ISM1: variants seen among roughly 807,000 people sequenced by gnomAD.
ISM1 encodes isthmin-1.
ISM1 carries 25 observed loss-of-function variants against 46.3 expected under a neutral mutation model. That is an observed-to-expected ratio of 0.54 (90% CI 0.39 to 0.75). The LOEUF (loss-of-function observed/expected upper bound fraction) is 0.75, where lower values mean the gene tolerates loss of function less well. ISM1 is among the 30% of genes least tolerant of loss of function. The pLI is 0.00. For synonymous variants in ISM1, 255 were observed against 256.7 expected, an observed-to-expected ratio of 0.99 and a Z score of 0.06; for missense variants, 536 against 625.4, an observed-to-expected ratio of 0.86 and a Z score of 1.52.
intron 3 of ISM1, among the ~76,000 whole-genome samples, chr20:13,281,047 A>G (rs1432962332): frequency 6.6e-6 from 1 of 152,252 alleles, no homozygotes; most frequent in African/African-American, 2.4e-5. Context: ...TTAGACAGTC[A>G]TTTCTTCTCA....
At chr20:13,234,175 G>A (rs1380177797) in intron 1 of ISM1, among the ~76,000 whole-genome samples, 2 of 152,088 alleles carry the variant, frequency 1.3e-5, no homozygotes, top group African/African-American at 2.4e-5. Context: ...GTCCGTGTAT[G>A]CCCATTGTTT....
chr20:13,312,982 G>T, the ISM1 span, among the ~76,000 whole-genome samples: 1 of 152,142 alleles, frequency 6.6e-6, no homozygotes, highest in Admixed American at 6.5e-5. Context: ...GGGGTGTGGA[G>T]GAAGTAAAAT....
chr20:13,252,638 C>G (rs1428153025), intron 1 of ISM1, among the ~76,000 whole-genome samples: 1 of 152,028 alleles, frequency 6.6e-6, no homozygotes, highest in East Asian at 1.9e-4. Context: ...ACCTGTAGTC[C>G]CAGATACTCA....
At position 13,229,865 on chromosome 20, in the gene ISM1, T is replaced by C. The variant is rs548858851; in HGVS notation, c.138+7951T>C. ...CTCTTCTGTTGGCCCTTCTTTCAGC[T>C]TTCCAATTCTGTTGTGGATTGACTC... On this transcript the variant is annotated intron_variant, in intron 1 of 5. Transcript: ENST00000262487. 3.8e-4 allele frequency among the ~76,000 whole-genome samples: 58 copies of C among 152,322 alleles called. 1 individual carries two copies. The highest frequency in any genetic ancestry group is 1.3e-3 in the African/African-American group (55 of 41,572).
At chr20:13,256,169 G>T (rs2039926807) in intron 1 of ISM1, among the ~76,000 whole-genome samples, 1 of 152,056 alleles carries the variant, frequency 6.6e-6, no homozygotes, top group South Asian at 2.1e-4. Flanking sequence ...GCTGAGGTGG[G>T]CAGATCACCT....
At chr20:13,321,913 C>T in the ISM1 span, among the ~76,000 whole-genome samples, 1 of 152,158 alleles carries the variant, frequency 6.6e-6, no homozygotes, top group Non-Finnish European at 1.5e-5. Flanking sequence ...TGACCTTGAG[C>T]AAGGTACTTA....
chr20:13,223,308 T>G (rs1186961852), intron 1 of ISM1, among the ~76,000 whole-genome samples: 1 of 152,176 alleles, frequency 6.6e-6, no homozygotes, highest in Non-Finnish European at 1.5e-5. Context: ...TGCGAAAAAC[T>G]TTACCGTAAA....
intron 1 of ISM1, among the ~76,000 whole-genome samples, chr20:13,240,171 G>C (rs567673983): frequency 6.6e-6 from 1 of 152,164 alleles, no homozygotes; most frequent in Non-Finnish European, 1.5e-5. Flanking sequence ...TTCATATCGC[G>C]TGGCTGTGAT....
At chr20:13,273,071 G>A (rs1463262473) in intron 2 of ISM1, among the ~76,000 whole-genome samples, 1 of 152,140 alleles carries the variant, frequency 6.6e-6, no homozygotes, top group African/African-American at 2.4e-5. Context: ...GGCTGCCGGG[G>A]ACTGTTCCTT....
At chr20:13,271,735 C>A (rs184590152) in intron 2 of ISM1, among the ~76,000 whole-genome samples, 2 of 152,164 alleles carry the variant, frequency 1.3e-5, no homozygotes, top group African/African-American at 4.8e-5. Flanking sequence ...GCTCATCCCC[C>A]GGGCAACCCA....
chr20:13,311,501 A>G, the ISM1 span, among the ~76,000 whole-genome samples: 2 of 152,240 alleles, frequency 1.3e-5, no homozygotes, highest in Non-Finnish European at 2.9e-5. Context: ...TCATTGCATG[A>G]TTATACTCAA....
intron 1 of ISM1, among the ~76,000 whole-genome samples, chr20:13,249,795 GT>G (rs2039845755): frequency 1.3e-5 from 1 of 75,444 alleles, no homozygotes. Context: ...GTTTTGTTTT[GT>G]TTTGTTTTGT....
intron 1 of ISM1, among the ~76,000 whole-genome samples, chr20:13,225,422 G>A (rs576060141): frequency 2.0e-5 from 3 of 152,192 alleles, no homozygotes; most frequent in Non-Finnish European, 4.4e-5. Context: ...TGTTAACTAT[G>A]ACATATATGT....
chr20:13,295,536 C>A (rs1205278730), intron 5 of ISM1, among the ~76,000 whole-genome samples: 2 of 152,182 alleles, frequency 1.3e-5, no homozygotes, highest in Non-Finnish European at 2.9e-5. Flanking sequence ...GTCCTTCCCC[C>A]ATCGATGCTA....
At chr20:13,281,540 G>A (rs945938719) in intron 3 of ISM1, among the ~76,000 whole-genome samples, 1 of 152,186 alleles carries the variant, frequency 6.6e-6, no homozygotes, top group Non-Finnish European at 1.5e-5. Flanking sequence ...CTAAAGCCTG[G>A]AAAACTTAAG....
At chr20:13,246,383 C>A (rs113773644) in intron 1 of ISM1, among the ~76,000 whole-genome samples, 5,506 of 152,198 alleles carry the variant, frequency 0.036, 168 homozygotes, top group African/African-American at 0.077. Flanking sequence ...TTCCTGCTCC[C>A]TGCCTATCTG....
chr20:13,315,884 T>C, the ISM1 span, among the ~76,000 whole-genome samples: 1 of 151,950 alleles, frequency 6.6e-6, no homozygotes, highest in Non-Finnish European at 1.5e-5. Context: ...CACAACATAC[T>C]TCTAAATAAC....
At chr20:13,326,156 T>C in the ISM1 span, among the ~76,000 whole-genome samples, 1 of 152,226 alleles carries the variant, frequency 6.6e-6, no homozygotes, top group African/African-American at 2.4e-5. Context: ...TTATTCTTTT[T>C]TATTGCTGAG....
chr20:13,285,592 C>T (rs1031973648), intron 3 of ISM1, among the ~76,000 whole-genome samples: 47 of 152,294 alleles, frequency 3.1e-4, no homozygotes, highest in African/African-American at 1.1e-3. Context: ...TGCACGGGCA[C>T]TTTGTATACC....
Sources: gnomAD v4.1 joint callset for allele counts (sites outside exome capture counted in the v4.1 genomes callset) on GRCh38, gnomAD v4.1.1 for gene constraint, MANE v1.5 for transcripts, NCBI Gene and HGNC (gene_info 2026-07-23, HGNC 2026-07-21) for gene names.